TJP1: variants seen among roughly 807,000 people sequenced by gnomAD.
TJP1 encodes the protein tight junction protein 1.
TJP1 carries 43 observed loss-of-function variants against 194.2 expected under a neutral mutation model. The ratio of observed to expected loss-of-function variants is 0.22; its 90% CI spans 0.17 to 0.29. TJP1 has a LOEUF of 0.29. TJP1 is among the 10% of genes least tolerant of loss of function. The pLI is 1.00. For missense variants in TJP1, 1,971 were observed against 2,185.7 expected (o/e 0.90, Z 1.96); for synonymous variants, 801 against 779.0 (o/e 1.03, Z -0.47).
At chr15:29,916,355 G>T (rs2054187080) in intron 2 of TJP1, among the ~76,000 whole-genome samples, 1 of 151,656 alleles carries the variant, frequency 6.6e-6, no homozygotes, top group Admixed American at 6.6e-5. Context: ...CCTATGAAAT[G>T]CTCTGGGTTG....
chr15:29,776,489 A>G (rs1453294802), intron 2 of TJP1, among the ~76,000 whole-genome samples: 5 of 152,196 alleles, frequency 3.3e-5, no homozygotes, highest in Non-Finnish European at 7.4e-5. Context: ...GTAATTACGA[A>G]AATTCATGTT....
chr15:29,962,474 A>G (rs777200644), intron 1 of TJP1, among the ~76,000 whole-genome samples: 16 of 152,376 alleles, frequency 1.1e-4, no homozygotes, highest in Non-Finnish European at 1.8e-4. Context: ...ATCTATCAAC[A>G]AAGTAACATC....
intron 2 of TJP1, among the ~76,000 whole-genome samples, chr15:29,870,140 C>G (rs1303624780): frequency 6.6e-6 from 1 of 151,792 alleles, no homozygotes; most frequent in Non-Finnish European, 1.5e-5. Flanking sequence ...GTGCCTGTCC[C>G]TTTCCTCTTT....
At chr15:29,965,258 G>A (rs2056294143) in intron 1 of TJP1, among the ~76,000 whole-genome samples, 1 of 151,746 alleles carries the variant, frequency 6.6e-6, no homozygotes. Flanking sequence ...CACCCAGGCT[G>A]GAGTGCAATG....
chr15:29,708,123 G>C (rs956183673), intron 25 of TJP1, among the ~76,000 whole-genome samples: 2 of 151,930 alleles, frequency 1.3e-5, no homozygotes, highest in African/African-American at 2.4e-5. Flanking sequence ...CTGAACCCAG[G>C]GGGTGGAGGT....
chr15:29,735,079 G>C (rs756870544), intron 11 of TJP1, among the ~76,000 whole-genome samples: 5 of 152,042 alleles, frequency 3.3e-5, no homozygotes, highest in Non-Finnish European at 7.4e-5. Flanking sequence ...CTCAGTGTTT[G>C]CCAAGTTAAT....
At chr15:29,933,028 A>T (rs1033634135) in intron 2 of TJP1, among the ~76,000 whole-genome samples, 1 of 152,254 alleles carries the variant, frequency 6.6e-6, no homozygotes, top group Non-Finnish European at 1.5e-5. Context: ...TAAAATGTTA[A>T]AATTAAAAAG....
At chr15:29,915,128 A>G (rs1203288017) in intron 2 of TJP1, among the ~76,000 whole-genome samples, 1 of 152,228 alleles carries the variant, frequency 6.6e-6, no homozygotes, top group Non-Finnish European at 1.5e-5. Flanking sequence ...TTAAAAAGAA[A>G]TCTACCAGAT....
At chr15:29,854,752 G>A (rs570610582) in intron 2 of TJP1, among the ~76,000 whole-genome samples, 17 of 152,210 alleles carry the variant, frequency 1.1e-4, no homozygotes, top group African/African-American at 4.1e-4. Context: ...GCCAATCAAA[G>A]CAACAAAGTA....
chr15:29,902,093 GA>G (rs1207696337), intron 2 of TJP1, among the ~76,000 whole-genome samples: 6 of 152,098 alleles, frequency 3.9e-5, no homozygotes, highest in Admixed American at 3.3e-4. Flanking sequence ...TGGAAGAGGG[GA>G]AAAAATCCAG....
intron 18 of TJP1, among the ~76,000 whole-genome samples, chr15:29,722,861 G>A (rs1245724742): frequency 1.3e-5 from 2 of 152,242 alleles, no homozygotes; most frequent in African/African-American, 2.4e-5. Flanking sequence ...GGTGTGAGCA[G>A]TGGAGTCAAC....
chr15:29,788,213 T>C (rs1378590865), intron 2 of TJP1, among the ~76,000 whole-genome samples: 3 of 152,202 alleles, frequency 2.0e-5, no homozygotes, highest in African/African-American at 7.2e-5. Flanking sequence ...AACAAATCCC[T>C]TATCAGATGT....
intron 2 of TJP1, among the ~76,000 whole-genome samples, chr15:29,949,274 ATCACCT>A (rs2055432203): frequency 2.9e-5 from 3 of 105,182 alleles, no homozygotes; most frequent in African/African-American, 4.9e-5. Context: ...CACCACCTCC[ATCACCT>A]CCACCGCCAT....
chr15:29,852,623 C>T (rs1424772854), intron 2 of TJP1, among the ~76,000 whole-genome samples: 2 of 152,154 alleles, frequency 1.3e-5, no homozygotes, highest in Admixed American at 6.6e-5. Flanking sequence ...AAAATAAAAA[C>T]TTAGGGCCGG....
At chr15:29,883,558 C>T (rs1257537163) in intron 2 of TJP1, among the ~76,000 whole-genome samples, 1 of 151,828 alleles carries the variant, frequency 6.6e-6, no homozygotes. Flanking sequence ...AACAACTTTT[C>T]AGCAGTGAAG....
At chr15:29,717,986 A>T (rs1262145652) in intron 22 of TJP1, 35 bp downstream of exon 22, 1 of 1,554,118 alleles carries the variant, frequency 6.4e-7, no homozygotes, top group Non-Finnish European at 8.8e-7. Context: ...ATTCCTGGTC[A>T]GTTCTATGCC....
At chr15:29,795,608 T>C (rs2151845706) in intron 2 of TJP1, among the ~76,000 whole-genome samples, 1 of 151,388 alleles carries the variant, frequency 6.6e-6, no homozygotes, top group Admixed American at 6.6e-5. Flanking sequence ...AAGAAAAAAA[T>C]AAAATCAATT....
At chr15:29,732,905 T>G (rs1408721097) in intron 13 of TJP1, 90 bp from the exon 14 acceptor site, 2 of 1,337,622 alleles carry the variant, frequency 1.5e-6, no homozygotes, top group Non-Finnish European at 2.0e-6. Flanking sequence ...CAATACTGGA[T>G]GGAAGTTCAC....
rs374963098 is a variant in TJP1 at position 29,708,882 on chromosome 15, T to C, written c.4527A>G (p.Pro1509=). The C allele has an allele frequency of 6.2e-7, 1 of 1,614,184 alleles. No homozygotes were observed. Among genetic ancestry groups the C allele is most frequent in the Admixed American group, 1.7e-5 (1 of 60,024 alleles). ...TCTGAGTCTGTTCAGTTCCATTAAC[T>C]GGGGCTTTATCTGGAAAACTTTTCT... ...YPQKSFPDKA[P]VNGTEQTQKT... Residue 1509 remains proline (P), a synonymous_variant, in exon 25 of 28, where the codon CCA becomes CCG. Coordinates refer to ENST00000614355, the MANE Select transcript of TJP1 (RefSeq NM_001330239.4).
Sources: allele counts gnomAD v4.1 joint callset (sites outside exome capture counted in the v4.1 genomes callset), GRCh38; gene constraint gnomAD v4.1.1; transcripts MANE v1.5; gene names NCBI Gene and HGNC (gene_info 2026-07-23, HGNC 2026-07-21).